ANGPT2: variants seen among roughly 807,000 people sequenced by gnomAD.
ANGPT2 encodes the protein angiopoietin-2.
Under a neutral mutation model 62.9 loss-of-function variants are expected in ANGPT2, and 28 were observed. That is an observed-to-expected ratio of 0.44 (90% CI 0.33 to 0.61). The LOEUF is 0.61. Among genes scored for constraint, ANGPT2 ranks in the 20% least tolerant of loss-of-function variants. The pLI, the probability that ANGPT2 is intolerant of heterozygous loss-of-function variation, is 0.03. For missense variants in ANGPT2, 727 were observed against 594.9 expected (o/e 1.22, Z -2.31); for synonymous variants, 284 against 207.8 (o/e 1.37, Z -3.15).
At chr8:6,549,386 A>G (rs558058496) in intron 1 of ANGPT2, among the ~76,000 whole-genome samples, 1 of 152,370 alleles carries the variant, frequency 6.6e-6, no homozygotes, top group Admixed American at 6.5e-5. Context: ...GACATTCAAA[A>G]CCTAGCAAAA....
intron 8 of ANGPT2, among the ~76,000 whole-genome samples, chr8:6,505,238 GAATATATA>G (rs1563305067): frequency 0.03 from 150 of 4,922 alleles, 30 homozygotes; most frequent in African/African-American, 0.077. Context: ...TGTATATATA[GAATATATA>G]TTCTTTATAT....
chr8:6,526,880 A>T (rs1052864008), intron 3 of ANGPT2, among the ~76,000 whole-genome samples: 2 of 152,042 alleles, frequency 1.3e-5, no homozygotes, highest in Non-Finnish European at 2.9e-5. Flanking sequence ...TATCCCCTAC[A>T]ATTTTTTTTC....
intron 7 of ANGPT2, among the ~76,000 whole-genome samples, chr8:6,510,942 A>G (rs1814949406): frequency 1.3e-5 from 2 of 152,178 alleles, no homozygotes; most frequent in African/African-American, 4.8e-5. Flanking sequence ...CCTGCTGCAA[A>G]ATGCTAATGT....
Position 6,501,958 on chromosome 8 carries a change from A to C in ANGPT2, c.*1143T>G, listed in dbSNP as rs565817663. 1 of 151,508 alleles carries C rather than the reference A, an allele frequency of 6.6e-6. No homozygotes were observed. Among genetic ancestry groups the C allele is most frequent in the African/African-American group, 2.4e-5 (1 of 41,354 alleles). 9.4% of individuals were successfully genotyped at this position (151,508 alleles called of 1,614,324 possible). Reference sequence around the variant, plus strand: ...TTTTTTTTTCAGTTTGCTGATTGACATAAAAAAACTTACTAGTGTCAATTA... The same window carrying C: ...TTTTTTTTTCAGTTTGCTGATTGACCTAAAAAAACTTACTAGTGTCAATTA... On this transcript the variant is annotated 3_prime_UTR_variant, in exon 9 of 9. Transcript: ENST00000629816.
chr8:6,536,610 A>G (rs914761723), intron 1 of ANGPT2, among the ~76,000 whole-genome samples: 3 of 152,176 alleles, frequency 2.0e-5, no homozygotes, highest in African/African-American at 7.2e-5. Flanking sequence ...TCTTCCAAAG[A>G]TTAGTAGTAA....
At chr8:6,529,702 C>T (rs569517454) in intron 2 of ANGPT2, among the ~76,000 whole-genome samples, 92 of 148,502 alleles carry the variant, frequency 6.2e-4, no homozygotes, top group African/African-American at 2.2e-3. Context: ...TGATCTCAAG[C>T]GATCCACCCA....
Position 6,534,527 on chromosome 8 carries a change from C to T in ANGPT2, c.289-2040G>A, listed in dbSNP as rs150841720. 2.0e-3 allele frequency among the ~76,000 whole-genome samples: 303 copies of T among 152,242 alleles called. 1 individual carries two copies. Among genetic ancestry groups the T allele is most frequent in the African/African-American group, 6.7e-3 (280 of 41,526 alleles). On this transcript the variant is annotated intron_variant, in intron 1 of 8. Coordinates refer to ENST00000629816, the MANE Select transcript of ANGPT2 (RefSeq NM_001118887.2). Reference sequence around the variant, plus strand: ...CAAGCCATCCACCCGCCTCAGCCCCCCAAAGTGCTGGGACTACGAGCGTGA... The same window carrying T: ...CAAGCCATCCACCCGCCTCAGCCCCTCAAAGTGCTGGGACTACGAGCGTGA...
chr8:6,529,470 G>C (rs916529441), intron 2 of ANGPT2, among the ~76,000 whole-genome samples: 1 of 73,394 alleles, frequency 1.4e-5, no homozygotes, highest in Non-Finnish European at 2.9e-5. Flanking sequence ...TTTTTTTTTT[G>C]AGACAGAGTC....
chr8:6,546,721 A>G (rs1822638543), intron 1 of ANGPT2, among the ~76,000 whole-genome samples: 1 of 152,214 alleles, frequency 6.6e-6, no homozygotes, highest in Non-Finnish European at 1.5e-5. Context: ...GTTTGAGAAC[A>G]ACTAGCCTAG....
chr8:6,554,000 A>G (rs1824145238), intron 1 of ANGPT2, among the ~76,000 whole-genome samples: 1 of 151,892 alleles, frequency 6.6e-6, no homozygotes, highest in Admixed American at 6.6e-5. Context: ...TAGAGAGACG[A>G]GCGCACAACT....
chr8:6,561,488 AG>A (rs1240177783), intron 1 of ANGPT2, among the ~76,000 whole-genome samples: 1 of 152,236 alleles, frequency 6.6e-6, no homozygotes, highest in East Asian at 1.9e-4. Flanking sequence ...TCTGAGATTC[AG>A]ATAAGGTGTC....
chr8:6,502,860 T>C lies in ANGPT2; in HGVS notation c.*241A>G, dbSNP rs555070227. ...TGATTCTCAGCCTCGGGTTCATCTT[T>C]GCATAGGTGTTCTGTCTAATCACAA... On this transcript the variant is annotated 3_prime_UTR_variant, in exon 9 of 9. Transcript: ENST00000629816. 2.0e-6 allele frequency: 1 copy of C among 489,764 alleles called. No individual in the cohort carries two copies. The highest frequency in any genetic ancestry group is 3.4e-5 in the East Asian group (1 of 29,558). The allele number at this position is 489,764 out of a possible 1,614,324, so 30.3% of individuals were successfully genotyped here.
At chr8:6,514,491 A>G (rs898565982) in intron 6 of ANGPT2, among the ~76,000 whole-genome samples, 186 bp downstream of exon 6, 1 of 152,216 alleles carries the variant, frequency 6.6e-6, no homozygotes, top group African/African-American at 2.4e-5. Flanking sequence ...GTCTGGCTGC[A>G]GCTTTTGTTT....
Position 6,521,235 on chromosome 8 carries a change from G to C in ANGPT2, c.742C>G (p.Gln248Glu). The C allele has an allele frequency of 6.2e-7, 1 of 1,613,906 alleles. No individual in the cohort carries two copies. The highest frequency in any genetic ancestry group is 8.5e-7 in the Non-Finnish European group (1 of 1,179,940). ...TTAACTGTCTCCATGAGATCATGTT[G>C]CTGCTTCTGAAGAACTGAATTATTC... ...TVNNSVLQKQ[Q>E]HDLMETVNNL... The change falls in exon 4 of 9, where the codon CAA (glutamine) becomes GAA (glutamate). Residue 248 changes from glutamine (Q) to glutamate (E), a missense_variant. Gln to Glu is a conservative substitution (Grantham distance 29). Transcript: ENST00000629816.
At chr8:6,518,489 A>G (rs1286143349) in intron 5 of ANGPT2, among the ~76,000 whole-genome samples, 1 of 152,164 alleles carries the variant, frequency 6.6e-6, no homozygotes, top group Non-Finnish European at 1.5e-5. Context: ...TTAATGAATT[A>G]GAAAGGTTTC....
chr8:6,555,478 T>C (rs1459927305), intron 1 of ANGPT2, among the ~76,000 whole-genome samples: 2 of 151,656 alleles, frequency 1.3e-5, no homozygotes, highest in Non-Finnish European at 2.9e-5. Flanking sequence ...TTTTTTTTTT[T>C]GGAGACAGGA....
At chr8:6,523,184 A>C (rs931292950) in intron 3 of ANGPT2, among the ~76,000 whole-genome samples, 1 of 152,100 alleles carries the variant, frequency 6.6e-6, no homozygotes, top group African/African-American at 2.4e-5. Context: ...TTTTTAGTAG[A>C]GATGGGCTTT....
chr8:6,539,731 C>T (rs761055322), intron 1 of ANGPT2, among the ~76,000 whole-genome samples: 7 of 152,100 alleles, frequency 4.6e-5, no homozygotes, highest in East Asian at 1.9e-4. Flanking sequence ...GGGTTACAGG[C>T]GCACACCACC....
intron 8 of ANGPT2, chr8:6,508,458 A>C (rs575746101): frequency 2.3e-5 from 4 of 177,550 alleles, no homozygotes; most frequent in Non-Finnish European, 4.6e-5. Flanking sequence ...TAAATAAACA[A>C]CTGGAGACTG....
Sources: allele counts gnomAD v4.1 joint callset (sites outside exome capture counted in the v4.1 genomes callset), GRCh38; gene constraint gnomAD v4.1.1; transcripts MANE v1.5; gene names NCBI Gene and HGNC (gene_info 2026-07-23, HGNC 2026-07-21).